The following ACSS3 variants were observed in gnomAD, a reference collection of about 807,000 sequenced individuals.
ACSS3 encodes the protein acyl-CoA synthetase short-chain family member 3, mitochondrial.
In ACSS3, 64 loss-of-function variants were observed where a neutral mutation model predicts 84.2. The ratio of observed to expected loss-of-function variants is 0.76; its 90% CI spans 0.62 to 0.94. The LOEUF (loss-of-function observed/expected upper bound fraction) is 0.94. ACSS3 is among the 40% of genes least tolerant of loss of function. The probability of loss-of-function intolerance (pLI) is 0.00; values close to 1 mark genes in which losing one functional copy is unlikely to be tolerated. For synonymous variants in ACSS3, 317 were observed against 310.1 expected (o/e 1.02, Z -0.23); for missense variants, 815 against 867.6 (o/e 0.94, Z 0.76).
chr12:81,201,234 G>A (rs1164797187), intron 9 of ACSS3, among the ~76,000 whole-genome samples: 1 of 152,182 alleles, frequency 6.6e-6, no homozygotes, highest in Non-Finnish European at 1.5e-5. Context: ...AGCTTTAACA[G>A]TTATTTTCTT....
intron 5 of ACSS3, among the ~76,000 whole-genome samples, chr12:81,148,909 A>C (rs1886477386): frequency 6.7e-6 from 1 of 150,310 alleles, no homozygotes; most frequent in Non-Finnish European, 1.5e-5. Context: ...AAAAAAAAAA[A>C]AAAAAAAAAA....
chr12:81,200,976 C>A (rs1012154611), intron 9 of ACSS3, among the ~76,000 whole-genome samples: 15 of 151,160 alleles, frequency 9.9e-5, no homozygotes, highest in Non-Finnish European at 2.2e-4. Flanking sequence ...AATGAATAAT[C>A]AGAGCAGAGG....
At chr12:81,128,262 C>T (rs998873210) in intron 2 of ACSS3, among the ~76,000 whole-genome samples, 9 of 151,954 alleles carry the variant, frequency 5.9e-5, no homozygotes, top group African/African-American at 2.2e-4. Flanking sequence ...GACTTAACCT[C>T]AGTTTAGGAC....
chr12:81,143,277 T>G (rs1233966645), intron 5 of ACSS3, 30 bp downstream of exon 5: 1 of 1,493,862 alleles, frequency 6.7e-7, no homozygotes, highest in South Asian at 1.3e-5. Flanking sequence ...TAACTATCTA[T>G]AGCAGTAGAT....
intron 7 of ACSS3, among the ~76,000 whole-genome samples, chr12:81,173,187 AGTT>A (rs1387532043): frequency 6.6e-6 from 1 of 152,212 alleles, no homozygotes; most frequent in African/African-American, 2.4e-5. Flanking sequence ...GAAAGAATAA[AGTT>A]GTAGACTCAT....
intron 11 of ACSS3, among the ~76,000 whole-genome samples, chr12:81,229,870 T>C (rs942653944): frequency 2.9e-5 from 4 of 137,464 alleles, no homozygotes; most frequent in African/African-American, 5.1e-5. Context: ...GTGGGCGATA[T>C]CTGCTGGGCT....
intron 13 of ACSS3, among the ~76,000 whole-genome samples, chr12:81,247,482 C>G (rs1565743261): frequency 6.6e-6 from 1 of 152,048 alleles, no homozygotes; most frequent in Non-Finnish European, 1.5e-5. Context: ...GAAAAACATG[C>G]TAGAATTATT....
intron 9 of ACSS3, among the ~76,000 whole-genome samples, chr12:81,205,230 G>C (rs1040547828): frequency 2.0e-5 from 3 of 152,046 alleles, no homozygotes; most frequent in African/African-American, 7.2e-5. Flanking sequence ...CTAAACTATT[G>C]ATTCTAAGGG....
chr12:81,095,979 G>C (rs983007591), intron 1 of ACSS3, among the ~76,000 whole-genome samples: 1 of 152,172 alleles, frequency 6.6e-6, no homozygotes, highest in Non-Finnish European at 1.5e-5. Context: ...ATTAACATAA[G>C]GCTATTATTC....
At chr12:81,232,169 G>C (rs2033487114) in intron 12 of ACSS3, among the ~76,000 whole-genome samples, 1 of 151,792 alleles carries the variant, frequency 6.6e-6, no homozygotes, top group Non-Finnish European at 1.5e-5. Flanking sequence ...CTATCTGCAT[G>C]ATGGGCCACA....
At chr12:81,122,597 TACAC>T (rs1394312479) in intron 2 of ACSS3, among the ~76,000 whole-genome samples, 1 of 152,172 alleles carries the variant, frequency 6.6e-6, no homozygotes, top group Non-Finnish European at 1.5e-5. Flanking sequence ...CTAGATAACT[TACAC>T]AAACTTGTGT....
At chr12:81,155,900 C>T (rs1886839619) in intron 7 of ACSS3, among the ~76,000 whole-genome samples, 1 of 152,130 alleles carries the variant, frequency 6.6e-6, no homozygotes, top group African/African-American at 2.4e-5. Flanking sequence ...CATCAACCAA[C>T]AAGATTTAAT....
At chr12:81,157,580 G>A (rs1886939742) in intron 7 of ACSS3, among the ~76,000 whole-genome samples, 1 of 152,232 alleles carries the variant, frequency 6.6e-6, no homozygotes, top group African/African-American at 2.4e-5. Context: ...AGGTCAAGGC[G>A]GGCAGATCAT....
At chr12:81,163,033 G>A (rs1483173563) in intron 7 of ACSS3, among the ~76,000 whole-genome samples, 2 of 151,804 alleles carry the variant, frequency 1.3e-5, no homozygotes, top group African/African-American at 4.8e-5. Flanking sequence ...TGCAGCTGCG[G>A]CCCAGAGGAC....
intron 3 of ACSS3, among the ~76,000 whole-genome samples, chr12:81,137,651 G>A (rs1885880809): frequency 6.6e-6 from 1 of 152,036 alleles, no homozygotes; most frequent in South Asian, 2.1e-4. Flanking sequence ...AATGTGAAAG[G>A]AATTATTTTT....
At position 81,153,200 on chromosome 12, in the gene ACSS3, G is replaced by C. The variant is rs570328749; in HGVS notation, c.1098+1104G>C. 1.7e-4 allele frequency among the ~76,000 whole-genome samples: 26 copies of C among 152,268 alleles called. No individual in the cohort carries two copies. The South Asian group carries it at 3.5e-3, about 21-fold the overall frequency. Reference sequence around the variant, plus strand: ...AGGCAGGTGGATCACTTGAGGTCAGGAGTTCGAGACCAGCCTGCCAAACAT... The same window carrying C: ...AGGCAGGTGGATCACTTGAGGTCAGCAGTTCGAGACCAGCCTGCCAAACAT... On this transcript the variant is annotated intron_variant, in intron 7 of 15. Coordinates refer to ENST00000548058, the MANE Select transcript of ACSS3 (RefSeq NM_024560.4).
At chr12:81,252,021 T>C (rs2034169682) in intron 13 of ACSS3, among the ~76,000 whole-genome samples, 1 of 152,128 alleles carries the variant, frequency 6.6e-6, no homozygotes, top group Non-Finnish European at 1.5e-5. Flanking sequence ...TTCTCACTCT[T>C]TTTGTTCTCT....
chr12:81,134,944 C>T lies in ACSS3; in HGVS notation c.585C>T (p.His195=). The change falls in exon 3 of 16, where the codon CAC becomes CAT. Residue 195 remains histidine (H), a synonymous_variant. Transcript: ENST00000548058. The part of the protein sequence containing the change: ...MLACARIGAI[H]SLIFGGFASK... ...CATGTGCAAGGATAGGTGCCATCCA[C>T]AGTCTCATATTTGGAGGATTTGCTT... 1 of 1,607,066 alleles carries T rather than the reference C, an allele frequency of 6.2e-7. No individual in the cohort carries two copies. Among genetic ancestry groups the T allele is most frequent in the African/African-American group, 1.3e-5 (1 of 74,870 alleles).
chr12:81,159,091 T>C (rs1159905832), intron 7 of ACSS3, among the ~76,000 whole-genome samples: 1 of 152,160 alleles, frequency 6.6e-6, no homozygotes, highest in East Asian at 1.9e-4. Flanking sequence ...TAATTTAAAT[T>C]TTCTTTTTTT....
Sources: allele counts gnomAD v4.1 joint callset (sites outside exome capture counted in the v4.1 genomes callset), GRCh38; gene constraint gnomAD v4.1.1; transcripts MANE v1.5; gene names NCBI Gene and HGNC (gene_info 2026-07-23, HGNC 2026-07-21).